The following MX2 variants were observed in gnomAD, a reference collection of about 807,000 sequenced individuals.
MX2 encodes the protein interferon-induced GTP-binding protein Mx2.
In MX2, 51 loss-of-function variants were observed where a neutral mutation model predicts 74.0. The observed-to-expected ratio is 0.69, with a 90% confidence interval of 0.55 to 0.87. MX2 has a LOEUF of 0.87. Ranked by LOEUF, MX2 falls within the 40% of genes least tolerant of loss-of-function variation. The probability of loss-of-function intolerance (pLI) is 0.00; values close to 1 mark genes in which losing one functional copy is unlikely to be tolerated. For missense variants in MX2, 832 were observed against 908.7 expected (o/e 0.92, Z 1.09); for synonymous variants, 369 against 339.3 (o/e 1.09, Z -0.96).
chr21:41,408,685 G>A lies in MX2; in HGVS notation c.*452G>A, dbSNP rs938233415. The A allele has an allele frequency of 1.9e-5, 3 of 157,986 alleles. No individual in the cohort carries two copies. The highest frequency in any genetic ancestry group is 1.3e-4 in the Admixed American group (2 of 15,930). 9.8% of individuals were successfully genotyped at this position (157,986 alleles called of 1,614,324 possible). ...ACGAATGAGTGCTGTGTAAGTGATG[G>A]AGATACCTGAGGCTATTGCTCAAGC... On this transcript the variant is annotated 3_prime_UTR_variant, in exon 14 of 14. Coordinates refer to ENST00000330714, the MANE Select transcript of MX2 (RefSeq NM_002463.2).
intron 6 of MX2, among the ~76,000 whole-genome samples, chr21:41,394,275 A>G (rs1230620555): frequency 8.3e-6 from 1 of 120,402 alleles, no homozygotes; most frequent in African/African-American, 6.8e-5. Context: ...CTCTGATCTC[A>G]GTTCCACCGC....
At chr21:41,398,440 A>G (rs578137306) in intron 8 of MX2, among the ~76,000 whole-genome samples, 1 of 152,354 alleles carries the variant, frequency 6.6e-6, no homozygotes, top group East Asian at 1.9e-4. Flanking sequence ...GATTATAGAA[A>G]AACTTTGGTT....
At position 41,372,527 on chromosome 21, in the gene MX2, TA is replaced by T. The variant is rs1205746656; in HGVS notation, c.-71-4308del. Among the ~76,000 whole-genome samples, 7 of 151,986 alleles carry T rather than the reference TA, an allele frequency of 4.6e-5. No homozygotes were observed. In the East Asian group the frequency reaches 1.3e-3, roughly 29 times the overall value. On this transcript the variant is annotated intron_variant, in intron 1 of 13. Transcript: ENST00000330714. ...GAACTCTTAATATAGTATTTAAAGC[TA>T]TTTTTTTTTAACATGAAGTCAGTAA... is the stretch of plus-strand genomic sequence containing the variant.
At chr21:41,369,846 C>A (rs1312210780) in intron 1 of MX2, among the ~76,000 whole-genome samples, 1 of 151,920 alleles carries the variant, frequency 6.6e-6, no homozygotes, top group Non-Finnish European at 1.5e-5. Context: ...GCCCCCGCCC[C>A]CGCTCCCGCC....
intron 3 of MX2, among the ~76,000 whole-genome samples, chr21:41,378,611 T>A (rs2089446215): frequency 6.6e-6 from 1 of 152,240 alleles, no homozygotes; most frequent in South Asian, 2.1e-4. Flanking sequence ...GAACAAAAAC[T>A]TTTAAAAGTC....
intron 11 of MX2, 98 bp from the exon 12 acceptor site, chr21:41,403,161 GTCAGTGTA>G (rs2145967246): frequency 1.1e-6 from 1 of 881,768 alleles, no homozygotes; most frequent in East Asian, 2.6e-5. Flanking sequence ...CCTGGAATGG[GTCAGTGTA>G]TCATCAGTCA....
chr21:41,387,685 T>C (rs2089599405), intron 5 of MX2, among the ~76,000 whole-genome samples: 1 of 152,172 alleles, frequency 6.6e-6, no homozygotes. Context: ...TGACTGTAAA[T>C]ACCACTTCAG....
rs761230228 is a variant in MX2 at position 41,402,185 on chromosome 21, C to T, written c.1573+57C>T. 5.8e-6 allele frequency: 9 copies of T among 1,551,994 alleles called. No homozygotes were observed. The highest frequency in any genetic ancestry group is 1.2e-5 in the South Asian group (1 of 82,730). ...TCACTCTCATACCTTCCATAGACCCCAGTGCCTTGGAGGGAGAGATTGGAA... is the reference window on the plus strand; with the variant it reads ...TCACTCTCATACCTTCCATAGACCCTAGTGCCTTGGAGGGAGAGATTGGAA... On this transcript the variant is annotated intron_variant, in intron 11 of 13. Coordinates refer to ENST00000330714, the MANE Select transcript of MX2 (RefSeq NM_002463.2). This position sits in a 1 kb window ranked among gnomAD's most constrained non-coding sequence, Gnocchi z 4.5.
In MX2 at chr21:41,383,225, T is replaced by A. The variant is rs567445381; in HGVS notation, c.732+661T>A. On this transcript the variant is annotated intron_variant, in intron 5 of 13. Transcript: ENST00000330714. ...TATAAACAAAATTAGCCGGGTGCAG[T>A]GGTACATGCCTGGGGTTCCAGCTAC... Among the ~76,000 whole-genome samples, 4 of 152,260 alleles carry A rather than the reference T, an allele frequency of 2.6e-5. No homozygotes were observed. In the South Asian group the frequency reaches 8.3e-4, roughly 32 times the overall value.
In MX2 at chr21:41,388,525, C is replaced by G. The variant is rs927887856; in HGVS notation, c.733-2040C>G. ...TTCCCCGTGCCTGGCTCTTTCAATT[C>G]CACTTGCCCTCCCTGATATGTCTCC... On this transcript the variant is annotated intron_variant, in intron 5 of 13. Transcript: ENST00000330714. This position sits in a 1 kb window ranked among gnomAD's most constrained non-coding sequence, Gnocchi z 4.0. Among the ~76,000 whole-genome samples, 3 of 152,276 alleles carry G rather than the reference C, an allele frequency of 2.0e-5. No individual in the cohort carries two copies. Among genetic ancestry groups the G allele is most frequent in the Admixed American group, 1.3e-4 (2 of 15,300 alleles).
intron 7 of MX2, among the ~76,000 whole-genome samples, chr21:41,396,254 C>G (rs548769963): frequency 6.6e-6 from 1 of 152,292 alleles, no homozygotes; most frequent in East Asian, 1.9e-4. Context: ...TTTTTAGAGC[C>G]TCCAGTGCCC....
intron 1 of MX2, among the ~76,000 whole-genome samples, chr21:41,369,278 A>G (rs1416894052): frequency 6.6e-6 from 1 of 152,170 alleles, no homozygotes; most frequent in Non-Finnish European, 1.5e-5. Context: ...GGCCATTCAC[A>G]CAACCATGGT....
intron 6 of MX2, among the ~76,000 whole-genome samples, chr21:41,391,197 T>C (rs577357548): frequency 6.6e-6 from 1 of 152,048 alleles, no homozygotes; most frequent in East Asian, 1.9e-4. Context: ...AACTGCCCAG[T>C]AGATGGACCT....
In MX2 at chr21:41,377,821, G is replaced by C. The variant is rs966742920; in HGVS notation, c.282G>C (p.Glu94Asp). Residue 94 changes from glutamate to aspartate, a missense_variant, in exon 3 of 14, where the codon GAG (glutamate) becomes GAC (aspartate). Coordinates refer to ENST00000330714, the MANE Select transcript of MX2 (RefSeq NM_002463.2). ...GPENNLYSQY[E>D]QKVRPCIDLI... is the part of the protein sequence containing the mutation. ...AGAACAACCTGTACAGCCAGTACGA[G>C]CAGAAGGTGCGCCCCTGCATTGACC... 1 of 1,613,888 alleles carries C rather than the reference G, an allele frequency of 6.2e-7. No individual in the cohort carries two copies. The highest frequency in any genetic ancestry group is 8.5e-7 in the Non-Finnish European group (1 of 1,179,758).
rs867053301 is a variant in MX2 at position 41,390,640 on chromosome 21, A to G, written c.808A>G (p.Ile270Val). The change falls in exon 6 of 14, where the codon ATT (isoleucine) becomes GTT (valine). Residue 270 changes from isoleucine (I) to valine (V), a missense_variant. Transcript: ENST00000330714. ...NLVVVPCNVD[I>V]ATTEALSMAH... ...GGTGGTGGTTCCCTGTAACGTGGAC[A>G]TTGCCACCACGGAGGCGCTGAGCAT... The G allele has an allele frequency of 5.0e-6, 8 of 1,614,042 alleles. No homozygotes were observed. In the African/African-American group the frequency reaches 8.0e-5, roughly 16 times the overall value.
chr21:41,397,910 A>G (rs977378460), intron 8 of MX2, among the ~76,000 whole-genome samples: 2 of 152,130 alleles, frequency 1.3e-5, no homozygotes, highest in African/African-American at 4.8e-5. Flanking sequence ...ATTGGTCAAC[A>G]GGGGGGAAAA....
Position 41,377,912 on chromosome 21 carries a change from G to C in MX2, c.373G>C (p.Gly125Arg). The C allele has an allele frequency of 6.2e-7, 1 of 1,614,200 alleles. No homozygotes were observed. The highest frequency in any genetic ancestry group is 8.5e-7 in the Non-Finnish European group (1 of 1,180,048). ...GGCCCTGCCAGCCATCGCCGTCATC[G>C]GGGACCAGAGCTCGGGCAAGAGCTC... ...DLALPAIAVI[G>R]DQSSGKSSVL... is the part of the protein sequence containing the mutation. The change falls in exon 3 of 14, where the codon GGG becomes CGG. Residue 125 changes from glycine (G) to arginine (R), a missense_variant. By Grantham distance (125) the Gly-to-Arg change is moderately radical. Coordinates refer to ENST00000330714, the MANE Select transcript of MX2 (RefSeq NM_002463.2).
rs748706644 is a variant in MX2, at chr21:41,377,963, G to A, written c.424G>A (p.Ala142Thr). The A allele has an allele frequency of 3.7e-6, 6 of 1,613,702 alleles. 1 individual carries two copies. Among genetic ancestry groups the A allele is most frequent in the Non-Finnish European group, 5.1e-6 (6 of 1,179,636 alleles). The change falls in exon 3 of 14, where the codon GCG becomes ACG. Residue 142 changes from alanine to threonine, a missense_variant. Physicochemically the swap from Ala to Thr is moderately conservative, Grantham distance 58. Coordinates refer to ENST00000330714, the MANE Select transcript of MX2 (RefSeq NM_002463.2). The part of the protein sequence containing the change: ...SSVLEALSGV[A>T]LPRGSGIVTR... ...TGTGCTGGAGGCACTGTCAGGAGTC[G>A]CGCTTCCCAGAGGCAGCGGTAAGTT...
rs2089469520 is a variant in MX2, at chr21:41,380,167, T to C, written c.577+16T>C. 1 of 1,613,420 alleles carries C rather than the reference T, an allele frequency of 6.2e-7. No individual in the cohort carries two copies. Among genetic ancestry groups the C allele is most frequent in the East Asian group, 2.2e-5 (1 of 44,856 alleles). ...ATACACAAAGGTGGGCCCACGTCATTCTGAGGTTCGGATCTGGCAGCCGCT... is the reference window on the plus strand; with the variant it reads ...ATACACAAAGGTGGGCCCACGTCATCCTGAGGTTCGGATCTGGCAGCCGCT... On this transcript the variant is annotated intron_variant, in intron 4 of 13. Transcript: ENST00000330714. The surrounding 1 kb of genome is among the most constrained non-coding windows in gnomAD (Gnocchi z 4.3).
Sources: allele counts gnomAD v4.1 joint callset (sites outside exome capture counted in the v4.1 genomes callset), GRCh38; gene constraint gnomAD v4.1.1; non-coding constraint Gnocchi (gnomAD v3.1); transcripts MANE v1.5; gene names NCBI Gene and HGNC (gene_info 2026-07-23, HGNC 2026-07-21).